The following RPTOR variants were observed in gnomAD, a reference collection of about 807,000 sequenced individuals.
RPTOR encodes regulatory associated protein of MTOR complex 1.
A neutral mutation model predicts 169.9 loss-of-function variants in RPTOR; 21 were observed. The ratio of observed to expected loss-of-function variants is 0.12; its 90% CI spans 0.09 to 0.18. The LOEUF is 0.18. Among genes scored for constraint, RPTOR ranks in the 10% least tolerant of loss-of-function variants. The pLI is 1.00. For missense variants in RPTOR, 1,133 were observed against 1,855.9 expected (o/e 0.61, Z 7.16); for synonymous variants, 732 against 753.2 (o/e 0.97, Z 0.46).
At chr17:80,722,181 G>A (rs1283098514) in intron 4 of RPTOR, among the ~76,000 whole-genome samples, 4 of 150,674 alleles carry the variant, frequency 2.7e-5, no homozygotes, top group Admixed American at 6.6e-5. Context: ...GCAAAGTGCC[G>A]TCATCATCAT....
chr17:80,943,790 C>G (rs2069064643), intron 25 of RPTOR, among the ~76,000 whole-genome samples: 1 of 152,186 alleles, frequency 6.6e-6, no homozygotes, highest in Admixed American at 6.5e-5. Context: ...CAGGTGAGGA[C>G]ACGGTTAGTA....
intron 1 of RPTOR, among the ~76,000 whole-genome samples, chr17:80,583,188 T>TG (rs2065030534): frequency 7.9e-6 from 1 of 126,112 alleles, no homozygotes; most frequent in Admixed American, 7.7e-5. Context: ...TCCTGTTTTT[T>TG]TTTTTTTTTT....
At chr17:80,797,721 G>A (rs184298190) in intron 7 of RPTOR, among the ~76,000 whole-genome samples, 50 of 152,274 alleles carry the variant, frequency 3.3e-4, no homozygotes, top group African/African-American at 9.9e-4. Context: ...AAAATACCTC[G>A]TTATTTTTAT....
chr17:80,754,052 T>C lies in RPTOR; in HGVS notation c.697T>C (p.Leu233=), dbSNP rs1245543957. 6.2e-7 allele frequency: 1 copy of C among 1,614,156 alleles called. No homozygotes were observed. The highest frequency in any genetic ancestry group is 1.1e-5 in the South Asian group (1 of 91,070). Residue 233 remains leucine (L), a synonymous_variant, in exon 6 of 34, where the codon TTG becomes CTG. Transcript: ENST00000306801. This position sits in a 1 kb window ranked among gnomAD's most constrained non-coding sequence, Gnocchi z 4.2. ...AAATCACCCTCTTGCTCAGATGCCT[T>C]TGCCTCCGTCGATGAAAAACTGCAT... ...NPNHPLAQMP[L]PPSMKNCIQL...
At chr17:80,713,091 G>A (rs1409430452) in intron 4 of RPTOR, among the ~76,000 whole-genome samples, 3 of 152,106 alleles carry the variant, frequency 2.0e-5, no homozygotes, top group Non-Finnish European at 4.4e-5. Flanking sequence ...GTTTTGAGAT[G>A]GGGTTTCGCT....
chr17:80,885,016 C>T lies in RPTOR; in HGVS notation c.1851C>T (p.Cys617=), dbSNP rs34554642. The part of the protein sequence containing the change: ...LLSDPIPEVR[C]AAVFALGTFV... ...CCCCCGCCGCCTTGCAGGTCCGCTGCGCAGCGGTCTTCGCCCTTGGCACGT... is the reference window on the plus strand; with the variant it reads ...CCCCCGCCGCCTTGCAGGTCCGCTGTGCAGCGGTCTTCGCCCTTGGCACGT... Residue 617 remains cysteine, a synonymous_variant, in exon 17 of 34, where the codon TGC becomes TGT. Coordinates refer to ENST00000306801, the MANE Select transcript of RPTOR (RefSeq NM_020761.3). 3.6e-3 allele frequency: 5,748 copies of T among 1,609,020 alleles called. 154 individuals carry two copies. The African/African-American group carries it at 0.06, about 17-fold the overall frequency.
intron 13 of RPTOR, among the ~76,000 whole-genome samples, chr17:80,866,910 C>T (rs1267885002): frequency 6.6e-6 from 1 of 152,146 alleles, no homozygotes; most frequent in Non-Finnish European, 1.5e-5. Flanking sequence ...AAAACTTTTA[C>T]TACAAAGAAA....
At chr17:80,927,399 T>C (rs1452981490) in intron 24 of RPTOR, among the ~76,000 whole-genome samples, 2 of 152,192 alleles carry the variant, frequency 1.3e-5, no homozygotes, top group African/African-American at 4.8e-5. Flanking sequence ...AGGCTTTTCT[T>C]GAAGTCCTTG....
Position 80,695,951 on chromosome 17 carries a change from G to A in RPTOR, c.349-11890G>A, listed in dbSNP as rs61361332. On this transcript the variant is annotated intron_variant, in intron 3 of 33. Transcript: ENST00000306801. This position sits in a 1 kb window ranked among gnomAD's most constrained non-coding sequence, Gnocchi z 4.9. ...GGACCCATCTTTCTGTGAAGAGTTT[G>A]CAGAGGATGCTGGTTACATCTTAGA... is the stretch of plus-strand genomic sequence containing the variant. Among the ~76,000 whole-genome samples the A allele has an allele frequency of 0.018, 2,786 of 152,296 alleles. 92 individuals are homozygous for A. The highest frequency in any genetic ancestry group is 0.063 in the African/African-American group (2,601 of 41,546).
At chr17:80,739,438 T>TTGAAGA (rs3074361) in intron 5 of RPTOR, among the ~76,000 whole-genome samples, 83,419 of 151,518 alleles carry the variant, frequency 0.55, 23,168 homozygotes, top group African/African-American at 0.59. Flanking sequence ...CCATCTTTTC[T>TTGAAGA]TGAAGTGATC....
intron 3 of RPTOR, among the ~76,000 whole-genome samples, chr17:80,700,079 A>T (rs1369058284): frequency 6.6e-6 from 1 of 152,182 alleles, no homozygotes; most frequent in Non-Finnish European, 1.5e-5. Context: ...AAAAGGTAGG[A>T]AGAAGGTTCT....
intron 6 of RPTOR, among the ~76,000 whole-genome samples, chr17:80,766,835 G>GA (rs35503207): frequency 2.0e-5 from 3 of 151,290 alleles, no homozygotes; most frequent in East Asian, 3.9e-4. Context: ...TTTAAGTCCA[G>GA]AAAAAAAAGA....
chr17:80,807,576 T>C (rs1334705138), intron 7 of RPTOR, among the ~76,000 whole-genome samples: 1 of 152,186 alleles, frequency 6.6e-6, no homozygotes, highest in Non-Finnish European at 1.5e-5. Context: ...GGTCTTGAAC[T>C]CCTGACCTCA....
chr17:80,732,691 G>T (rs965295523), intron 5 of RPTOR, among the ~76,000 whole-genome samples: 11 of 151,962 alleles, frequency 7.2e-5, no homozygotes, highest in African/African-American at 2.7e-4. Context: ...TACTATTATT[G>T]GCTATTGTTC....
intron 20 of RPTOR, among the ~76,000 whole-genome samples, chr17:80,896,952 C>T (rs1410117186): frequency 6.6e-6 from 1 of 152,134 alleles, no homozygotes; most frequent in Non-Finnish European, 1.5e-5. Flanking sequence ...AAACCTGTTG[C>T]TGGCAAAAAA....
chr17:80,625,638 T>C (rs1599611559), intron 1 of RPTOR, 53 bp from the exon 2 acceptor site: 1 of 1,367,360 alleles, frequency 7.3e-7, no homozygotes, highest in East Asian at 2.3e-5. Context: ...GAAAAACACA[T>C]AAACGAGTTC....
At chr17:80,836,768 C>G (rs897747982) in intron 9 of RPTOR, among the ~76,000 whole-genome samples, 1 of 152,072 alleles carries the variant, frequency 6.6e-6, no homozygotes, top group African/African-American at 2.4e-5. Flanking sequence ...GAGGCTCTGA[C>G]AAGGCCATGT....
At chr17:80,558,520 CGG>C (rs2084439001) in intron 1 of RPTOR, among the ~76,000 whole-genome samples, 1 of 152,158 alleles carries the variant, frequency 6.6e-6, no homozygotes, top group Non-Finnish European at 1.5e-5. Context: ...TTCAAACTGA[CGG>C]AAAACCTGTA....
intron 13 of RPTOR, among the ~76,000 whole-genome samples, chr17:80,873,416 G>A (rs1002600986): frequency 1.3e-5 from 2 of 152,166 alleles, no homozygotes; most frequent in Non-Finnish European, 2.9e-5. Flanking sequence ...GAACCAGGAC[G>A]TGCTGCCTCC....
Sources: gnomAD v4.1 joint callset for allele counts (sites outside exome capture counted in the v4.1 genomes callset) on GRCh38, gnomAD v4.1.1 for gene constraint, Gnocchi (gnomAD v3.1) non-coding constraint, MANE v1.5 for transcripts, NCBI Gene and HGNC (gene_info 2026-07-23, HGNC 2026-07-21) for gene names.